GLUL: variants seen among roughly 807,000 people sequenced by gnomAD.
GLUL encodes the protein glutamate-ammonia ligase.
In GLUL, 8 loss-of-function variants were observed where a neutral mutation model predicts 36.9. The ratio of observed to expected loss-of-function variants is 0.22; its 90% CI spans 0.13 to 0.39. The LOEUF (loss-of-function observed/expected upper bound fraction) is 0.39, where lower values mean the gene tolerates loss of function less well. Ranked by LOEUF, GLUL falls within the 10% of genes least tolerant of loss-of-function variation. GLUL has a pLI of 1.00. For synonymous variants in GLUL, 182 were observed against 172.8 expected (o/e 1.05, Z -0.42); for missense variants, 315 against 501.8 (o/e 0.63, Z 3.56).
In GLUL at chr1:182,379,671, A is replaced by T. The variant is rs923415514; in HGVS notation, c.*4734T>A. 4.1e-4 allele frequency among the ~76,000 whole-genome samples: 63 copies of T among 151,932 alleles called. No homozygotes were observed. The highest frequency in any genetic ancestry group is 1.4e-3 in the African/African-American group (57 of 41,412). The stretch of plus-strand genomic sequence containing the variant: ...CACCTCAGCCTCCCAGGTAGCTAGG[A>T]CTACAGGTGCATGCCACCACGCCCA... On this transcript the variant is annotated 3_prime_UTR_variant, in exon 7 of 7. Transcript: ENST00000331872.
chr1:182,384,356 A>G lies in GLUL; in HGVS notation c.*49T>C, dbSNP rs1193840561. On this transcript the variant is annotated 3_prime_UTR_variant, in exon 7 of 7. Coordinates refer to ENST00000331872, the MANE Select transcript of GLUL (RefSeq NM_001033044.4). ...CAACTGGGAGAGGGGGAAGAGTTGG[A>G]GTGGGATGAAGAACTAGGAGGGGCT... 6.5e-6 allele frequency: 8 copies of G among 1,224,872 alleles called. No homozygotes were observed. The highest frequency in any genetic ancestry group is 9.6e-6 in the Non-Finnish European group (8 of 830,742). 75.9% of individuals were successfully genotyped at this position (1,224,872 alleles called of 1,614,324 possible). A position where few individuals can be genotyped will look rare whatever the true frequency, so the allele number is the denominator to read the frequency against.
rs774042904 is a variant in GLUL, at chr1:182,386,317, G to A, written c.414C>T (p.Thr138=). The change falls in exon 4 of 7, where the codon ACC becomes ACT. Residue 138 remains threonine (T), a synonymous_variant. Transcript: ENST00000331872. ...AGGGGTGCCCATCTGTCCCCATGAG[G>A]GTATACTCCTGCTCCATGCCAAACC... ...HPWFGMEQEY[T]LMGTDGHPFG... The A allele has an allele frequency of 6.2e-7, 1 of 1,612,886 alleles. No individual in the cohort carries two copies. Among genetic ancestry groups the A allele is most frequent in the Non-Finnish European group, 8.5e-7 (1 of 1,178,938 alleles).
chr1:182,379,245 A>T lies in GLUL; in HGVS notation c.*5160T>A, dbSNP rs78438908. ...TATTTATTTATTTGTTTATTTTTTG[A>T]TATGTCTCACTCTTTTGCCCAGGCT... On this transcript the variant is annotated 3_prime_UTR_variant, in exon 7 of 7. Coordinates refer to ENST00000331872, the MANE Select transcript of GLUL (RefSeq NM_001033044.4). 0.011 allele frequency among the ~76,000 whole-genome samples: 1,638 copies of T among 150,446 alleles called. 14 individuals are homozygous for T. The highest frequency in any genetic ancestry group is 0.052 in the Middle Eastern group (15 of 290).
intron 5 of GLUL, 69 bp downstream of exon 5, chr1:182,385,691 C>T (rs1650145534): frequency 1.3e-6 from 2 of 1,587,722 alleles, no homozygotes; most frequent in Non-Finnish European, 1.7e-6. Context: ...GTATCAGCAG[C>T]CCTTACTAGC....
In GLUL at chr1:182,384,700, T is replaced by A. The variant is rs751375875; in HGVS notation, c.827A>T (p.Lys276Ile). 16 of 1,613,930 alleles carry A rather than the reference T, an allele frequency of 9.9e-6. No individual in the cohort carries two copies. The South Asian group carries it at 1.6e-4, about 17-fold the overall frequency. The change falls in exon 7 of 7, where the codon AAA becomes ATA. Residue 276 changes from lysine to isoleucine, a missense_variant. Lys to Ile is a moderately radical substitution (Grantham distance 102). This residue lies in a region of GLUL where 256 missense variants were observed against 396.1 expected (regional missense o/e 0.65). Transcript: ENST00000331872. ...GLKYIEEAIEKLSKRHQYHIR... is the reference protein window; with the variant it reads ...GLKYIEEAIEILSKRHQYHIR... ...GTGGTACTGGTGCCGCTTGCTTAGT[T>A]TCTCAATGGCCTCCTCGATGTACCT... is the stretch of plus-strand genomic sequence containing the variant.
At position 182,383,849 on chromosome 1, in the gene GLUL, C is replaced by T. The variant is rs879676781; in HGVS notation, c.*556G>A. 12 of 164,588 alleles carry T rather than the reference C, an allele frequency of 7.3e-5. No individual in the cohort carries two copies. The highest frequency in any genetic ancestry group is 1.3e-4 in the Non-Finnish European group (10 of 74,170). The allele number at this position is 164,588 out of a possible 1,614,324, so 10.2% of individuals were successfully genotyped here. On this transcript the variant is annotated 3_prime_UTR_variant, in exon 7 of 7. Transcript: ENST00000331872. The stretch of plus-strand genomic sequence containing the variant: ...ATCAGTTTATACTAAGCTTCGTGTT[C>T]AGAGCAGGGCATTTAGTCCCAAGCC...
rs1013538305 is a variant in GLUL, at chr1:182,378,215, T to C, written c.*6190A>G. On this transcript the variant is annotated 3_prime_UTR_variant, in exon 7 of 7. Transcript: ENST00000331872. The stretch of plus-strand genomic sequence containing the variant: ...TAGATCTGCTGACTACGCCGTACAG[T>C]GGAGGAAACACGCTGCAATCTCAAG... 4.6e-5 allele frequency among the ~76,000 whole-genome samples: 7 copies of C among 152,244 alleles called. No individual in the cohort carries two copies. Among genetic ancestry groups the C allele is most frequent in the African/African-American group, 1.7e-4 (7 of 41,538 alleles).
chr1:182,388,881 C>A (rs1650292754), intron 1 of GLUL, 131 bp from the exon 2 acceptor site: 1 of 748,062 alleles, frequency 1.3e-6, no homozygotes, highest in Admixed American at 2.0e-5. Flanking sequence ...TGGAAGTCAA[C>A]ACACAAAAAG....
rs2101929600 is a variant in GLUL at position 182,383,546 on chromosome 1, A to C, written c.*859T>G. 6.6e-6 allele frequency: 1 copy of C among 152,266 alleles called. No individual in the cohort carries two copies. Among genetic ancestry groups the C allele is most frequent in the East Asian group, 1.9e-4 (1 of 5,176 alleles). 9.4% of individuals were successfully genotyped at this position (152,266 alleles called of 1,614,324 possible). ...AGGGTGGGCAGGGCAGAAACCCAAA[A>C]GGGTCTTGAGGGCCTAATCCCAGAT... On this transcript the variant is annotated 3_prime_UTR_variant, in exon 7 of 7. Transcript: ENST00000331872.
intron 6 of GLUL, 37 bp downstream of exon 6, chr1:182,385,320 C>T (rs371667443): frequency 2.8e-5 from 41 of 1,483,862 alleles, no homozygotes; most frequent in Non-Finnish European, 3.8e-5. Context: ...TTTTCTGCCA[C>T]AGGAGATTAA....
rs1002876156 is a variant in GLUL, at chr1:182,381,277, A to T, written c.*3128T>A. Among the ~76,000 whole-genome samples the T allele has an allele frequency of 6.6e-6, 1 of 152,188 alleles. No homozygotes were observed. Among genetic ancestry groups the T allele is most frequent in the Admixed American group, 6.5e-5 (1 of 15,276 alleles). On this transcript the variant is annotated 3_prime_UTR_variant, in exon 7 of 7. Coordinates refer to ENST00000331872, the MANE Select transcript of GLUL (RefSeq NM_001033044.4). ...GTCAGACCCCGTCTCAAAAACAACAAAAGGCCCTAGACAACACCCATCCAT... is the reference window on the plus strand; with the variant it reads ...GTCAGACCCCGTCTCAAAAACAACATAAGGCCCTAGACAACACCCATCCAT...
intron 3 of GLUL, chr1:182,386,639 C>T (rs531096958): frequency 5.9e-5 from 34 of 574,876 alleles, no homozygotes; most frequent in Non-Finnish European, 9.7e-5. Flanking sequence ...TCAGTTACAA[C>T]CAAGTCACAT....
chr1:182,384,766 G>T, intron 6 of GLUL, 43 bp from the exon 7 acceptor site: 1 of 1,454,356 alleles, frequency 6.9e-7, no homozygotes, highest in South Asian at 1.1e-5. Context: ...TTGTCTCCAG[G>T]TATGGAGCCA....
intron 1 of GLUL, chr1:182,390,662 G>A (rs1468030815): frequency 1.8e-5 from 7 of 399,334 alleles, no homozygotes; most frequent in Non-Finnish European, 2.7e-5. Flanking sequence ...GCCGGCCCGG[G>A]GGGTGTCCGA....
At chr1:182,391,396 G>A (rs990587818) in intron 1 of GLUL, 2 of 396,048 alleles carry the variant, frequency 5.0e-6, no homozygotes. Context: ...CGCTTCGGCC[G>A]CAAGTAGTGA....
intron 1 of GLUL, 39 bp from the exon 2 acceptor site, chr1:182,388,789 T>A: frequency 6.8e-7 from 1 of 1,480,916 alleles, no homozygotes; most frequent in Non-Finnish European, 9.4e-7. Flanking sequence ...TAACGCCCAC[T>A]CCAAACTGAT....
rs185564610 is a variant in GLUL at position 182,388,827 on chromosome 1, G to A, written c.-13-77C>T. 7.6e-4 allele frequency: 843 copies of A among 1,113,858 alleles called. 6 individuals carry two copies. Among genetic ancestry groups the A allele is most frequent in the Non-Finnish European group, 2.7e-4 (197 of 729,286 alleles). 69.0% of individuals were successfully genotyped at this position (1,113,858 alleles called of 1,614,324 possible). A position where few individuals can be genotyped will look rare whatever the true frequency, so the allele number is the denominator to read the frequency against. ...CCTGCAAAAATGGCTCAAGAAGGAC[G>A]ACTGAATCAAAAGTCAGAGTGTAAG... On this transcript the variant is annotated intron_variant, in intron 1 of 6. Transcript: ENST00000331872.
At chr1:182,389,371 A>T (rs1174121908) in intron 1 of GLUL, 1 of 153,190 alleles carries the variant, frequency 6.5e-6, no homozygotes, top group Non-Finnish European at 1.4e-5. Context: ...CTCATTACAC[A>T]TTTAGATTTG....
rs753270381 is a variant in GLUL at position 182,384,505 on chromosome 1, C to T, written c.1022G>A (p.Arg341His). ...AAAGGGGTCGCAGTTGGCAGAGGGG[C>T]GACGATCTTCAAAGTAACCCTTCTT... ...QEKKGYFEDR[R>H]PSANCDPFSV... Residue 341 changes from arginine to histidine, a missense_variant, in exon 7 of 7, where the codon CGC (arginine) becomes CAC (histidine). Physicochemically the swap from Arg to His is conservative, Grantham distance 29. Around this residue, in one of 3 missense-constraint regions of GLUL, gnomAD observed 58 missense variants for 89.5 expected, o/e 0.65. Transcript: ENST00000331872. 5.6e-6 allele frequency: 9 copies of T among 1,613,786 alleles called. No homozygotes were observed. The highest frequency in any genetic ancestry group is 3.4e-6 in the Non-Finnish European group (4 of 1,179,854).
Sources: allele counts gnomAD v4.1 joint callset (sites outside exome capture counted in the v4.1 genomes callset), GRCh38; gene constraint gnomAD v4.1.1; regional missense constraint gnomAD v4.1.1; transcripts MANE v1.5; gene names NCBI Gene and HGNC (gene_info 2026-07-23, HGNC 2026-07-21).